CLCA4: variants seen among roughly 807,000 people sequenced by gnomAD.
CLCA4 encodes the protein calcium-activated chloride channel regulator 4.
In CLCA4, 69 loss-of-function variants were observed where a neutral mutation model predicts 78.9. That is an observed-to-expected ratio of 0.87 (90% CI 0.72 to 1.07). The LOEUF (loss-of-function observed/expected upper bound fraction) is 1.07, where lower values mean the gene tolerates loss of function less well. Ranked by LOEUF, CLCA4 falls within the 50% of genes least tolerant of loss-of-function variation. The probability of loss-of-function intolerance (pLI) is 0.00; values close to 1 mark genes in which losing one functional copy is unlikely to be tolerated. For missense variants in CLCA4, 1,133 were observed against 1,095.8 expected, an observed-to-expected ratio of 1.03 and a Z score of -0.48; for synonymous variants, 362 against 375.8, an observed-to-expected ratio of 0.96 and a Z score of 0.42.
At chr1:86,552,674 C>G in intron 1 of CLCA4, 1 of 959,262 alleles carries the variant, frequency 1.0e-6, no homozygotes, top group Middle Eastern at 2.2e-4. Flanking sequence ...ATCGGACTTG[C>G]AGATGGAGCT....
chr1:86,565,247 C>G (rs1030853147), intron 4 of CLCA4, 27 bp from the exon 5 acceptor site: 1 of 1,525,320 alleles, frequency 6.6e-7, no homozygotes, highest in African/African-American at 1.4e-5. Context: ...TCAGTTGCCT[C>G]AAAGATTAAC....
chr1:86,567,871 CACTT>C (rs1475545638), intron 7 of CLCA4, among the ~76,000 whole-genome samples: 4 of 152,000 alleles, frequency 2.6e-5, no homozygotes, highest in African/African-American at 7.2e-5. Context: ...ATTTACCACT[CACTT>C]ACAAGCCCAA....
At chr1:86,550,823 G>A (rs1649632890) in intron 1 of CLCA4, among the ~76,000 whole-genome samples, 1 of 150,750 alleles carries the variant, frequency 6.6e-6, no homozygotes. Context: ...GGTCTAGGGA[G>A]GGATCATTTC....
intron 1 of CLCA4, among the ~76,000 whole-genome samples, chr1:86,551,547 A>G (rs1649663236): frequency 6.6e-6 from 1 of 152,244 alleles, no homozygotes; most frequent in Non-Finnish European, 1.5e-5. Flanking sequence ...TCAAGGGGCC[A>G]TGAATGACAG....
At position 86,574,705 on chromosome 1, in the gene CLCA4, G is replaced by A; in HGVS notation, c.1633G>A (p.Val545Met). 1 of 1,613,286 alleles carries A rather than the reference G, an allele frequency of 6.2e-7. No individual in the cohort carries two copies. The highest frequency in any genetic ancestry group is 1.1e-5 in the South Asian group (1 of 91,062). The change falls in exon 10 of 14, where the codon GTG becomes ATG. Residue 545 changes from valine (V) to methionine (M), a missense_variant. Physicochemically the swap from Val to Met is conservative, Grantham distance 21. Transcript: ENST00000370563. ...PSGTIMENFT[V>M]DATSKMAYLS... The stretch of plus-strand genomic sequence containing the variant: ...TGGAACAATAATGGAAAATTTCACA[G>A]TGGATGCAACTTCCAAAATGGCCTA...
Position 86,579,396 on chromosome 1 carries a change from A to C in CLCA4, c.2165A>C (p.Asp722Ala). 1 of 1,613,268 alleles carries C rather than the reference A, an allele frequency of 6.2e-7. No individual in the cohort carries two copies. The highest frequency in any genetic ancestry group is 8.5e-7 in the Non-Finnish European group (1 of 1,179,492). The change falls in exon 13 of 14, where the codon GAT becomes GCT. Residue 722 changes from aspartate to alanine, a missense_variant. Asp to Ala is a moderately radical substitution (Grantham distance 126). Transcript: ENST00000370563. ...CCGCCAAGACCTGAAATTGATGAGG[A>C]TACTCAGACCACCTTGGAGGATTTC... ...ANPPRPEIDEDTQTTLEDFSR... is the reference protein window; with the variant it reads ...ANPPRPEIDEATQTTLEDFSR...
At chr1:86,578,313 T>G (rs765371137) in intron 12 of CLCA4, among the ~76,000 whole-genome samples, 3 of 152,078 alleles carry the variant, frequency 2.0e-5, no homozygotes, top group Non-Finnish European at 4.4e-5. Context: ...TTTTTAACTT[T>G]CAGTTTAGGT....
At chr1:86,560,601 C>T (rs1321678) in intron 3 of CLCA4, among the ~76,000 whole-genome samples, 141,972 of 152,282 alleles carry the variant, frequency 0.93, 66,331 homozygotes, top group East Asian at 1. Context: ...AGAATCCAGA[C>T]AAATATACTC....
At position 86,571,260 on chromosome 1, in the gene CLCA4, A is replaced by G; in HGVS notation, c.1360+6A>G. 1 of 1,607,916 alleles carries G rather than the reference A, an allele frequency of 6.2e-7. No individual in the cohort carries two copies. Among genetic ancestry groups the G allele is most frequent in the Non-Finnish European group, 8.5e-7 (1 of 1,175,828 alleles). On this transcript the variant is annotated splice_donor_region_variant and intron_variant, in intron 8 of 13. Transcript: ENST00000370563. ...AGAGATGAGCAAGATAACAGGTAAA[A>G]CACGATCCATTTATTCCAGGCCTTC...
rs1370432578 is a variant in CLCA4 at position 86,575,198 on chromosome 1, AC to A, written c.1684-131del. On this transcript the variant is annotated intron_variant, in intron 10 of 13. Transcript: ENST00000370563. Reference sequence around the variant, plus strand: ...CCCTGTCTGAACTGCCTCAGCCCTTACCCATTTATCCTCAACATCCTTAAAA... The same window carrying A: ...CCCTGTCTGAACTGCCTCAGCCCTTACCATTTATCCTCAACATCCTTAAAA... 9 of 740,964 alleles carry A rather than the reference AC, an allele frequency of 1.2e-5. No individual in the cohort carries two copies. In the African/African-American group the frequency reaches 1.6e-4, roughly 13 times the overall value. 45.9% of individuals were successfully genotyped at this position (740,964 alleles called of 1,614,324 possible).
chr1:86,574,669 T>C lies in CLCA4; in HGVS notation c.1597T>C (p.Trp533Arg). 6.2e-7 allele frequency: 1 copy of C among 1,613,374 alleles called. No individual in the cohort carries two copies. Among genetic ancestry groups the C allele is most frequent in the South Asian group, 1.1e-5 (1 of 91,062 alleles). ...CAGTCTGCCTCCCAGTATTTCTCTC[T>C]GGGATCCCAGTGGAACAATAATGGA... ...WNSLPPSISL[W>R]DPSGTIMENF... The change falls in exon 10 of 14, where the codon TGG becomes CGG. Residue 533 changes from tryptophan to arginine, a missense_variant. Transcript: ENST00000370563.
Position 86,574,755 on chromosome 1 carries a change from G to C in CLCA4, c.1683G>C (p.Lys561Asn), listed in dbSNP as rs1558197618. The C allele has an allele frequency of 6.2e-7, 1 of 1,607,948 alleles. No individual in the cohort carries two copies. The part of the protein sequence containing the change: ...MAYLSIPGTA[K>N]VGTWAYNLQA... ...ATCTCAGTATTCCAGGAACTGCAAA[G>C]GTAAGCAATCAGCTTTTAGACTTCC... Residue 561 changes from lysine to asparagine, a missense_variant and splice_region_variant, in exon 10 of 14, where the codon AAG becomes AAC. Transcript: ENST00000370563.
chr1:86,580,059 G>A lies in CLCA4; in HGVS notation c.2474G>A (p.Ser825Asn). The A allele has an allele frequency of 6.2e-7, 1 of 1,612,910 alleles. No individual in the cohort carries two copies. The highest frequency in any genetic ancestry group is 1.1e-5 in the South Asian group (1 of 91,042). The change falls in exon 14 of 14, where the codon AGC (serine) becomes AAC (asparagine). Residue 825 changes from serine to asparagine, a missense_variant. By Grantham distance (46) the Ser-to-Asn change is conservative. Transcript: ENST00000370563. ...LSPKEANSKE[S>N]FAFKPENISE... ...CCAAAGGAGGCCAACTCCAAGGAAA[G>A]CTTTGCATTTAAACCAGAAAATATC...
At chr1:86,557,786 A>G (rs543745990) in intron 1 of CLCA4, among the ~76,000 whole-genome samples, 30 of 150,980 alleles carry the variant, frequency 2.0e-4, no homozygotes, top group African/African-American at 5.6e-4. Context: ...TTCTGCCTCA[A>G]TGAAGTTTCC....
intron 1 of CLCA4, chr1:86,553,170 C>T (rs1649716601): frequency 2.7e-6 from 3 of 1,102,704 alleles, no homozygotes; most frequent in South Asian, 2.6e-5. Context: ...GAGGATTGAG[C>T]GGCACAGGTT....
chr1:86,551,391 AG>A (rs1429557127), intron 1 of CLCA4, among the ~76,000 whole-genome samples: 8 of 152,334 alleles, frequency 5.3e-5, no homozygotes, highest in Non-Finnish European at 1.5e-5. Context: ...TATCCACAAA[AG>A]AAAACAAACC....
At chr1:86,561,906 AG>A (rs940374623) in intron 3 of CLCA4, among the ~76,000 whole-genome samples, 2 of 152,164 alleles carry the variant, frequency 1.3e-5, no homozygotes, top group Admixed American at 1.3e-4. Context: ...ACATTCCTCA[AG>A]GTCCTAAAAA....
At chr1:86,555,229 A>G (rs760095572) in intron 1 of CLCA4, among the ~76,000 whole-genome samples, 3 of 152,008 alleles carry the variant, frequency 2.0e-5, no homozygotes, top group Non-Finnish European at 2.9e-5. Flanking sequence ...CCACTTGTCA[A>G]TTTTTGCTTT....
chr1:86,579,769 A>G (rs976518545), intron 13 of CLCA4, among the ~76,000 whole-genome samples, 173 bp from the exon 14 acceptor site: 8 of 152,056 alleles, frequency 5.3e-5, no homozygotes, highest in Admixed American at 2.6e-4. Flanking sequence ...TACTTTTCAT[A>G]CAAAGAAGGT....
Sources: allele counts gnomAD v4.1 joint callset (sites outside exome capture counted in the v4.1 genomes callset), GRCh38; gene constraint gnomAD v4.1.1; transcripts MANE v1.5; gene names NCBI Gene and HGNC (gene_info 2026-07-23, HGNC 2026-07-21).